MYOF: variants seen among roughly 807,000 people sequenced by gnomAD.
MYOF encodes fer-1-like 3, myoferlin.
MYOF carries 244 observed loss-of-function variants against 284.2 expected under a neutral mutation model. The observed-to-expected ratio is 0.86, with a 90% CI of 0.77 to 0.95. The LOEUF is 0.95. Among genes scored for constraint, MYOF ranks in the 40% least tolerant of loss-of-function variants. The pLI, the probability that MYOF is intolerant of heterozygous loss-of-function variation, is 0.00. For synonymous variants in MYOF, 904 were observed against 919.7 expected (o/e 0.98, Z 0.31); for missense variants, 2,496 against 2,560.6 (o/e 0.97, Z 0.54).
At chr10:93,408,762 A>G in intron 7 of MYOF, 25 bp downstream of exon 7, 4 of 1,613,960 alleles carry the variant, frequency 2.5e-6, no homozygotes, top group Non-Finnish European at 3.4e-6. Context: ...TCATGAGCAG[A>G]AACATGCCCT....
chr10:93,354,289 AAT>A (rs939272431), intron 31 of MYOF, among the ~76,000 whole-genome samples: 1 of 152,168 alleles, frequency 6.6e-6, no homozygotes, highest in African/African-American at 2.4e-5. Flanking sequence ...GAGGCACGAG[AAT>A]CACTTGAACC....
At chr10:93,430,297 T>C (rs1291323342) in intron 4 of MYOF, among the ~76,000 whole-genome samples, 1 of 150,568 alleles carries the variant, frequency 6.6e-6, no homozygotes, top group Non-Finnish European at 1.5e-5. Flanking sequence ...ATAAAGATTA[T>C]GAGGCCAGGC....
In MYOF at chr10:93,310,638, T is replaced by C. The variant is rs1460737900; in HGVS notation, c.5895A>G (p.Lys1965=). Reference sequence around the variant, plus strand: ...TGAGGATTTCCAATGTCATCTCCACTTTCCCCTTCAGTAAAGCAGAGCAGG... The same window carrying C: ...TGAGGATTTCCAATGTCATCTCCACCTTCCCCTTCAGTAAAGCAGAGCAGG... ...EKDGARVMAG[K]VEMTLEILNE... is the part of the protein sequence containing the mutation. Residue 1965 remains lysine, a synonymous_variant, in exon 52 of 54, where the codon AAA becomes AAG. Transcript: ENST00000359263. The C allele has an allele frequency of 6.2e-7, 1 of 1,614,118 alleles. No homozygotes were observed. The highest frequency in any genetic ancestry group is 2.2e-5 in the East Asian group (1 of 44,884).
intron 51 of MYOF, among the ~76,000 whole-genome samples, chr10:93,312,815 C>T (rs1020232845): frequency 6.6e-6 from 1 of 152,202 alleles, no homozygotes; most frequent in Non-Finnish European, 1.5e-5. Flanking sequence ...CTTCCTCCAA[C>T]TCCAAACACA....
intron 53 of MYOF, among the ~76,000 whole-genome samples, chr10:93,307,898 T>C (rs958645367): frequency 8.6e-5 from 13 of 150,512 alleles, no homozygotes; most frequent in African/African-American, 3.2e-4. Flanking sequence ...GTGCTGGGAT[T>C]ATAGGTGTGA....
chr10:93,397,945 C>CT (rs1847101517), intron 13 of MYOF, among the ~76,000 whole-genome samples: 1 of 152,118 alleles, frequency 6.6e-6, no homozygotes, highest in Admixed American at 6.6e-5. Flanking sequence ...CCTGGAATGT[C>CT]TTCAAGCTGA....
At chr10:93,310,720 C>T (rs1239589581) in intron 51 of MYOF, 77 bp from the exon 52 acceptor site, 77 of 1,315,042 alleles carry the variant, frequency 5.9e-5, no homozygotes, top group South Asian at 1.3e-5. Context: ...AGGAGTATTC[C>T]CCGAGCAATG....
At chr10:93,405,794 ATTTTTTTTT>A (rs3866906) in intron 7 of MYOF, among the ~76,000 whole-genome samples, 2 of 113,802 alleles carry the variant, frequency 1.8e-5, no homozygotes, top group Admixed American at 9.6e-5. Context: ...ACAGGCTAGG[ATTTTTTTTT>A]TTTTTTTTTT....
rs117219823 is a variant in MYOF at position 93,371,379 on chromosome 10, C to T, written c.2457+1551G>A. ...CTTTTCCAACTACATATCTATGTGA[C>T]GCCAGATCCTTATCATATACTTCAA... is the stretch of plus-strand genomic sequence containing the variant. On this transcript the variant is annotated intron_variant, in intron 24 of 53. Transcript: ENST00000359263. 4.9e-3 allele frequency among the ~76,000 whole-genome samples: 748 copies of T among 152,238 alleles called. 2 individuals are homozygous for T. The highest frequency in any genetic ancestry group is 7.9e-3 in the Non-Finnish European group (538 of 68,010).
chr10:93,389,026 C>A lies in MYOF; in HGVS notation c.1581+4G>T. On this transcript the variant is annotated splice_donor_region_variant and intron_variant, in intron 18 of 53. Coordinates refer to ENST00000359263, the MANE Select transcript of MYOF (RefSeq NM_013451.4). ...TTAATAACCACCTTAATTGAGAAACCAACCTTTCCAGTATTCAGCTCATCA... is the reference window on the plus strand; with the variant it reads ...TTAATAACCACCTTAATTGAGAAACAAACCTTTCCAGTATTCAGCTCATCA... 1.9e-6 allele frequency: 3 copies of A among 1,610,524 alleles called. No individual in the cohort carries two copies. The highest frequency in any genetic ancestry group is 1.1e-5 in the South Asian group (1 of 90,042).
intron 18 of MYOF, 82 bp from the exon 19 acceptor site, chr10:93,387,995 T>G (rs1035011424): frequency 5.4e-5 from 59 of 1,089,864 alleles, no homozygotes; most frequent in Non-Finnish European, 7.2e-5. Flanking sequence ...CTAATACAAC[T>G]GCAAAAAGTT....
rs573529679 is a variant in MYOF, at chr10:93,372,667, T to C, written c.2457+263A>G. Among the ~76,000 whole-genome samples the C allele has an allele frequency of 8.5e-5, 13 of 152,326 alleles. No homozygotes were observed. In the South Asian group the frequency reaches 1.0e-3, roughly 12 times the overall value. Reference sequence around the variant, plus strand: ...TGAAATATTAGAAGTGAAATATTCATGCCAGAAAGCAAAGCATTCACAATG... The same window carrying C: ...TGAAATATTAGAAGTGAAATATTCACGCCAGAAAGCAAAGCATTCACAATG... On this transcript the variant is annotated intron_variant, in intron 24 of 53. Coordinates refer to ENST00000359263, the MANE Select transcript of MYOF (RefSeq NM_013451.4).
intron 41 of MYOF, 76 bp downstream of exon 41, chr10:93,335,845 C>T (rs1843576542): frequency 6.5e-7 from 1 of 1,535,840 alleles, no homozygotes; most frequent in Non-Finnish European, 8.8e-7. Context: ...TCCCTAGAGC[C>T]TGGTTGTCCT....
At position 93,351,840 on chromosome 10, in the gene MYOF, T is replaced by C; in HGVS notation, c.3488A>G (p.Tyr1163Cys). Reference sequence around the variant, plus strand: ...CCGATGGAGGAAACAGATATGAGCATATGGATCTAAAACAGAAAAAGAGAA... The same window carrying C: ...CCGATGGAGGAAACAGATATGAGCACATGGATCTAAAACAGAAAAAGAGAA... ...ALDKDSFSDP[Y>C]AHICFLHRSK... Residue 1163 changes from tyrosine (Y) to cysteine (C), a missense_variant, in exon 33 of 54, where the codon TAT becomes TGT. Coordinates refer to ENST00000359263, the MANE Select transcript of MYOF (RefSeq NM_013451.4). 6.3e-7 allele frequency: 1 copy of C among 1,583,548 alleles called. No homozygotes were observed. Among genetic ancestry groups the C allele is most frequent in the Non-Finnish European group, 8.5e-7 (1 of 1,173,048 alleles).
At chr10:93,453,203 T>G (rs1025914053) in intron 2 of MYOF, among the ~76,000 whole-genome samples, 1 of 152,064 alleles carries the variant, frequency 6.6e-6, no homozygotes, top group Admixed American at 6.5e-5. Context: ...TCTTGCCCTG[T>G]TGCCCAGGCT....
intron 5 of MYOF, chr10:93,425,764 G>GA (rs1848562359): frequency 7.5e-6 from 3 of 401,514 alleles, no homozygotes; most frequent in African/African-American, 2.0e-5. Context: ...CACTGTATGG[G>GA]GTGGAAGCCA....
At chr10:93,454,669 C>A (rs1251026871) in intron 2 of MYOF, among the ~76,000 whole-genome samples, 1 of 152,056 alleles carries the variant, frequency 6.6e-6, no homozygotes, top group African/African-American at 2.4e-5. Flanking sequence ...CTGAGACCTG[C>A]TGGGCGTTTC....
At chr10:93,458,906 C>T (rs566361895) in intron 1 of MYOF, among the ~76,000 whole-genome samples, 1 of 152,184 alleles carries the variant, frequency 6.6e-6, no homozygotes, top group Admixed American at 6.5e-5. Flanking sequence ...ATTGCTTTGG[C>T]TCCCAGCACA....
chr10:93,457,908 T>TG (rs2056782758), intron 1 of MYOF, among the ~76,000 whole-genome samples: 1 of 133,068 alleles, frequency 7.5e-6, no homozygotes, highest in Non-Finnish European at 1.7e-5. Flanking sequence ...AATTTTTCTA[T>TG]GTTTTTTTTT....
Sources: gnomAD v4.1 joint callset for allele counts (sites outside exome capture counted in the v4.1 genomes callset) on GRCh38, gnomAD v4.1.1 for gene constraint, MANE v1.5 for transcripts, NCBI Gene and HGNC (gene_info 2026-07-23, HGNC 2026-07-21) for gene names.